The following CACNA1H variants were observed in gnomAD, a reference collection of about 807,000 sequenced individuals.
The protein encoded by CACNA1H is voltage-dependent T-type calcium channel subunit alpha-1H.
Under a neutral mutation model 192.5 loss-of-function variants are expected in CACNA1H, and 149 were observed. The observed-to-expected ratio is 0.77, with a 90% CI of 0.68 to 0.89. The LOEUF (loss-of-function observed/expected upper bound fraction) is 0.89. Among genes scored for constraint, CACNA1H ranks in the 40% least tolerant of loss-of-function variants. CACNA1H has a pLI of 0.00. For missense variants in CACNA1H, 4,257 were observed against 3,423.5 expected, an observed-to-expected ratio of 1.24 and a Z score of -6.08; for synonymous variants, 2,202 against 1,475.2, an observed-to-expected ratio of 1.49 and a Z score of -11.29.
Position 1,213,145 on chromosome 16 carries a change from G to A in CACNA1H, c.4777+617G>A, listed in dbSNP as rs1969657636. Among the ~76,000 whole-genome samples, 5 of 152,348 alleles carry A rather than the reference G, an allele frequency of 3.3e-5. 1 individual carries two copies. The South Asian group carries it at 1.0e-3, about 32-fold the overall frequency. On this transcript the variant is annotated intron_variant, in intron 26 of 34. Coordinates refer to ENST00000348261, the MANE Select transcript of CACNA1H (RefSeq NM_021098.3). ...GCCGACTTCAGATGGTCTGGAGTCC[G>A]GCAGACCCTAGACCACAGCCCATGG... is the stretch of plus-strand genomic sequence containing the variant.
intron 2 of CACNA1H, among the ~76,000 whole-genome samples, chr16:1,179,205 G>C (rs1159703035): frequency 6.6e-6 from 1 of 152,222 alleles, no homozygotes; most frequent in Non-Finnish European, 1.5e-5. Context: ...TTTATCTGAC[G>C]CGCCTCCCGG....
intron 2 of CACNA1H, among the ~76,000 whole-genome samples, chr16:1,158,312 C>T (rs1011842742): frequency 3.3e-5 from 5 of 151,992 alleles, no homozygotes; most frequent in Admixed American, 6.5e-5. Context: ...CTGGGGGAGC[C>T]GTGGGGGCAG....
Position 1,220,529 on chromosome 16 carries a change from G to A in CACNA1H, c.6597G>A (p.Glu2199=). Residue 2199 remains glutamate, a synonymous_variant, in exon 35 of 35, where the codon GAG becomes GAA. Coordinates refer to ENST00000348261, the MANE Select transcript of CACNA1H (RefSeq NM_021098.3). ...GCATCTCGGTGGAACCCCCTGCGGA[G>A]GACGAGGGCTCTGCGCGGCCCTCCG... ...PPCISVEPPA[E]DEGSARPSAA... 2 of 1,534,924 alleles carry A rather than the reference G, an allele frequency of 1.3e-6. No individual in the cohort carries two copies. The highest frequency in any genetic ancestry group is 1.7e-6 in the Non-Finnish European group (2 of 1,148,740).
In CACNA1H at chr16:1,218,308, G is replaced by T; in HGVS notation, c.5544G>T (p.Gln1848His). Reference protein sequence around the residue: ...VYFVTFVLVAQFVLVNVVVAV... With the variant: ...VYFVTFVLVAHFVLVNVVVAV... Reference sequence around the variant, plus strand: ...TCGTGACCTTCGTGCTGGTGGCCCAGTTCGTGCTGGTGAACGTGGTGGTGG... The same window carrying T: ...TCGTGACCTTCGTGCTGGTGGCCCATTTCGTGCTGGTGAACGTGGTGGTGG... Residue 1848 changes from glutamine (Q) to histidine (H), a missense_variant, in exon 33 of 35, where the codon CAG becomes CAT. By Grantham distance (24) the Gln-to-His change is conservative. Transcript: ENST00000348261. 6.4e-7 allele frequency: 1 copy of T among 1,555,710 alleles called. No individual in the cohort carries two copies. The highest frequency in any genetic ancestry group is 8.7e-7 in the Non-Finnish European group (1 of 1,150,050).
rs2141230751 is a variant in CACNA1H, at chr16:1,199,421, T to TGCTGC, written c.803+647_803+648insGCTGC. ...TCGCTGCACATATGCCCCACCCCCA[T>TGCTGC]CATGGCTCCGCCCACCGTGCGGTCG... On this transcript the variant is annotated intron_variant, in intron 6 of 34. Coordinates refer to ENST00000348261, the MANE Select transcript of CACNA1H (RefSeq NM_021098.3). Among the ~76,000 whole-genome samples, 4 of 16,128 alleles carry TGCTGC rather than the reference T, an allele frequency of 2.5e-4. 2 individuals carry two copies. Among genetic ancestry groups the TGCTGC allele is most frequent in the South Asian group, 5.8e-3 (2 of 342 alleles). The allele number at this position is 16,128 out of a possible 152,430, so 10.6% of individuals were successfully genotyped here.
chr16:1,186,686 T>A (rs1055392364), intron 2 of CACNA1H, among the ~76,000 whole-genome samples: 1 of 152,100 alleles, frequency 6.6e-6, no homozygotes, highest in Admixed American at 6.5e-5. Flanking sequence ...CCTGGCTCGG[T>A]CCCGATGCCC....
At chr16:1,161,294 C>T (rs561124978) in intron 2 of CACNA1H, among the ~76,000 whole-genome samples, 318 of 152,314 alleles carry the variant, frequency 2.1e-3, no homozygotes, top group African/African-American at 6.4e-3. Flanking sequence ...TCAACTGAGC[C>T]GGTGGCAGAG....
At position 1,204,260 on chromosome 16, in the gene CACNA1H, ACCAGGC is replaced by A. The variant is rs756747669; in HGVS notation, c.2266_2271del (p.Pro756_Gly757del). On this transcript the variant is annotated inframe_deletion, in exon 10 of 35. Coordinates refer to ENST00000348261, the MANE Select transcript of CACNA1H (RefSeq NM_021098.3). ...CGCGACCACCCCGTGCGACGGACAC[ACCAGGC>A]CCAGGCCCAGGCAGCCCCCAGCGGC... 1.1e-5 allele frequency: 17 copies of A among 1,609,616 alleles called. No homozygotes were observed. The highest frequency in any genetic ancestry group is 2.7e-5 in the African/African-American group (2 of 74,840).
intron 2 of CACNA1H, among the ~76,000 whole-genome samples, chr16:1,173,604 C>T (rs1964580747): frequency 6.6e-6 from 1 of 152,252 alleles, no homozygotes. Context: ...GTTAAAAACT[C>T]AGTGAGAAGA....
intron 2 of CACNA1H, among the ~76,000 whole-genome samples, chr16:1,175,802 G>A (rs963295363): frequency 8.5e-5 from 13 of 152,316 alleles, no homozygotes; most frequent in African/African-American, 2.9e-4. Context: ...GTTGCAGGCC[G>A]CGGGCGAGTT....
Position 1,178,775 on chromosome 16 carries a change from TCTC to T in CACNA1H, c.300-16192_300-16190del, listed in dbSNP as rs368939722. ...TTGGGCCCAGATGCCCCTGCCCCTG[TCTC>T]CTCCAAGCTCCAGAAGTCGGGGTTG... On this transcript the variant is annotated intron_variant, in intron 2 of 34. Coordinates refer to ENST00000348261, the MANE Select transcript of CACNA1H (RefSeq NM_021098.3). 3.3e-3 allele frequency among the ~76,000 whole-genome samples: 496 copies of T among 152,272 alleles called. 5 individuals carry two copies. Among genetic ancestry groups the T allele is most frequent in the South Asian group, 0.024 (114 of 4,824 alleles).
Position 1,212,146 on chromosome 16 carries a change from G to A in CACNA1H, c.4759+8G>A, listed in dbSNP as rs199997129. ...TAGAGAGGAGGCGCAGGAGTAAGGC[G>A]CTCCCGGTGGCGGTGGCGGTGGCGG... On this transcript the variant is annotated splice_region_variant and intron_variant, in intron 25 of 34. Transcript: ENST00000348261. 3.0e-4 allele frequency: 486 copies of A among 1,599,378 alleles called. No individual in the cohort carries two copies. The highest frequency in any genetic ancestry group is 3.9e-4 in the Non-Finnish European group (456 of 1,177,770).
At chr16:1,160,325 A>G (rs1419935306) in intron 2 of CACNA1H, 1 of 152,196 alleles carries the variant, frequency 6.6e-6, no homozygotes, top group African/African-American at 2.4e-5. Flanking sequence ...CCCAGGTTGA[A>G]TTTCCAGGGT....
chr16:1,208,856 G>A (rs888460936), intron 16 of CACNA1H, among the ~76,000 whole-genome samples, 176 bp from the exon 17 acceptor site: 1 of 152,200 alleles, frequency 6.6e-6, no homozygotes, highest in Non-Finnish European at 1.5e-5. Context: ...ACCCTCATGA[G>A]CTACGCCTGT....
chr16:1,157,040 T>G (rs997208862), intron 2 of CACNA1H: 3 of 152,316 alleles, frequency 2.0e-5, no homozygotes, highest in East Asian at 1.9e-4. Context: ...ATCTGTGTGT[T>G]GTCGCCCGGC....
chr16:1,171,209 G>A (rs925937422), intron 2 of CACNA1H, among the ~76,000 whole-genome samples: 5 of 152,060 alleles, frequency 3.3e-5, no homozygotes, highest in Non-Finnish European at 7.4e-5. Context: ...GCTCACCCCC[G>A]CGCCGCCCAG....
chr16:1,182,019 G>A (rs991687543), intron 2 of CACNA1H, among the ~76,000 whole-genome samples: 7 of 152,196 alleles, frequency 4.6e-5, no homozygotes, highest in Admixed American at 6.5e-5. Context: ...TGGCTGCTGT[G>A]TGCTTCCGGC....
At chr16:1,207,962 G>T (rs1344447818) in intron 15 of CACNA1H, 51 bp from the exon 16 acceptor site, 9 of 1,555,354 alleles carry the variant, frequency 5.8e-6, no homozygotes, top group Non-Finnish European at 7.8e-6. Flanking sequence ...GGGATTCCTG[G>T]TCCTGGGAGC....
rs934887135 is a variant in CACNA1H at position 1,167,351 on chromosome 16, C to T, written c.299+13315C>T. The stretch of plus-strand genomic sequence containing the variant: ...GTGCGGGGGCGATATCGGCGCGGAG[C>T]GGGCGGGGTGGCGCCCGGGCCGCGG... On this transcript the variant is annotated intron_variant, in intron 2 of 34. Coordinates refer to ENST00000348261, the MANE Select transcript of CACNA1H (RefSeq NM_021098.3). This position sits in a 1 kb window ranked among gnomAD's most constrained non-coding sequence, Gnocchi z 4.2. Among the ~76,000 whole-genome samples, 4 of 152,084 alleles carry T rather than the reference C, an allele frequency of 2.6e-5. No individual in the cohort carries two copies. Among genetic ancestry groups the T allele is most frequent in the East Asian group, 1.9e-4 (1 of 5,180 alleles).
Sources: gnomAD v4.1 joint callset for allele counts (sites outside exome capture counted in the v4.1 genomes callset) on GRCh38, gnomAD v4.1.1 for gene constraint, Gnocchi (gnomAD v3.1) non-coding constraint, MANE v1.5 for transcripts, NCBI Gene and HGNC (gene_info 2026-07-23, HGNC 2026-07-21) for gene names.